Variants in BMPER observed in about 807,000 individuals in gnomAD.
The protein encoded by BMPER is BMP-binding endothelial regulator protein.
Under a neutral mutation model 87.3 loss-of-function variants are expected in BMPER, and 45 were observed. That is an observed-to-expected ratio of 0.52 (90% confidence interval 0.41 to 0.66). The LOEUF is 0.66. Ranked by LOEUF, BMPER falls within the 30% of genes least tolerant of loss-of-function variation. The pLI is 0.00. For missense variants in BMPER, 784 were observed against 867.5 expected, an observed-to-expected ratio of 0.90 and a Z score of 1.21; for synonymous variants, 326 against 316.2, an observed-to-expected ratio of 1.03 and a Z score of -0.33.
chr7:34,067,018 C>G (rs1481742557), intron 11 of BMPER, among the ~76,000 whole-genome samples: 1 of 152,198 alleles, frequency 6.6e-6, no homozygotes, highest in African/African-American at 2.4e-5. Context: ...AGAATCCCAG[C>G]TTAAAACACA....
At chr7:34,098,620 C>T (rs1405591538) in intron 13 of BMPER, among the ~76,000 whole-genome samples, 3 of 152,126 alleles carry the variant, frequency 2.0e-5, no homozygotes, top group African/African-American at 7.2e-5. Flanking sequence ...ATTGTATCCC[C>T]AGCAAATGGC....
At chr7:33,995,372 G>A (rs1390645708) in intron 6 of BMPER, among the ~76,000 whole-genome samples, 10 of 152,048 alleles carry the variant, frequency 6.6e-5, no homozygotes, top group Non-Finnish European at 2.9e-5. Context: ...AATTAGAAGT[G>A]GAGGAAGCTT....
At chr7:34,061,176 A>C (rs1788427341) in intron 10 of BMPER, among the ~76,000 whole-genome samples, 3 of 152,196 alleles carry the variant, frequency 2.0e-5, no homozygotes, top group South Asian at 4.1e-4. Flanking sequence ...ATATCGAATA[A>C]GATATTTGTT....
At chr7:33,941,787 C>T (rs924264859) in intron 3 of BMPER, among the ~76,000 whole-genome samples, 13 of 152,198 alleles carry the variant, frequency 8.5e-5, no homozygotes, top group African/African-American at 3.1e-4. Flanking sequence ...TGATATGTGG[C>T]TCAGTTCCTT....
intron 6 of BMPER, among the ~76,000 whole-genome samples, chr7:34,020,971 T>G (rs1414675485): frequency 6.6e-6 from 1 of 151,938 alleles, no homozygotes; most frequent in Non-Finnish European, 1.5e-5. Context: ...AAGGTTAGTT[T>G]AAGTGGCCTT....
At chr7:34,130,642 C>T (rs906387563) in intron 13 of BMPER, among the ~76,000 whole-genome samples, 1 of 152,184 alleles carries the variant, frequency 6.6e-6, no homozygotes, top group Admixed American at 6.5e-5. Flanking sequence ...CCTGCCAGCC[C>T]TGGGGCATGG....
At chr7:33,944,923 CAG>C (rs1433641813) in intron 3 of BMPER, among the ~76,000 whole-genome samples, 1 of 152,142 alleles carries the variant, frequency 6.6e-6, no homozygotes, top group South Asian at 2.1e-4. Context: ...TACAGCTCCT[CAG>C]AGATAACATT....
At chr7:34,042,379 A>G (rs1787855053) in intron 6 of BMPER, among the ~76,000 whole-genome samples, 1 of 152,196 alleles carries the variant, frequency 6.6e-6, no homozygotes, top group African/African-American at 2.4e-5. Context: ...ACCAGATAAG[A>G]ATACAGTCAT....
intron 6 of BMPER, among the ~76,000 whole-genome samples, chr7:33,976,868 G>A (rs551224948): frequency 1.1e-4 from 16 of 152,300 alleles, no homozygotes; most frequent in Admixed American, 9.2e-4. Context: ...GATTTCATAT[G>A]TTTTTAAACA....
At chr7:34,124,501 T>C (rs1349110368) in intron 13 of BMPER, among the ~76,000 whole-genome samples, 1 of 152,030 alleles carries the variant, frequency 6.6e-6, no homozygotes, top group Non-Finnish European at 1.5e-5. Flanking sequence ...GTGGGTCTTT[T>C]TGTATAGTTT....
chr7:34,024,388 T>A (rs1464710637), intron 6 of BMPER, among the ~76,000 whole-genome samples: 171 of 5,138 alleles, frequency 0.033, 1 homozygote, highest in Middle Eastern at 0.25. Context: ...AAAAACAATA[T>A]ATATATATAT....
intron 11 of BMPER, 130 bp from the exon 12 acceptor site, chr7:34,078,725 CTT>C: frequency 3.7e-6 from 3 of 814,364 alleles, no homozygotes; most frequent in Non-Finnish European, 5.8e-6. Flanking sequence ...AAAACGACCA[CTT>C]TTTTTTTTAA....
At chr7:34,100,793 A>G (rs1274227450) in intron 13 of BMPER, among the ~76,000 whole-genome samples, 1 of 152,184 alleles carries the variant, frequency 6.6e-6, no homozygotes, top group Non-Finnish European at 1.5e-5. Context: ...AGTCAGGGCC[A>G]TGTTCCTTTG....
intron 3 of BMPER, among the ~76,000 whole-genome samples, chr7:33,963,474 A>G (rs1427597651): frequency 6.6e-6 from 1 of 152,128 alleles, no homozygotes; most frequent in Non-Finnish European, 1.5e-5. Flanking sequence ...TATTTTATAA[A>G]AGTATCAGTC....
At chr7:34,071,064 A>G (rs1346816438) in intron 11 of BMPER, among the ~76,000 whole-genome samples, 1 of 152,114 alleles carries the variant, frequency 6.6e-6, no homozygotes, top group Non-Finnish European at 1.5e-5. Context: ...ATCTATGTCC[A>G]TGACTTTATT....
chr7:34,039,196 GGAAT>G (rs1787766478), intron 6 of BMPER, among the ~76,000 whole-genome samples: 2 of 152,246 alleles, frequency 1.3e-5, no homozygotes, highest in African/African-American at 4.8e-5. Flanking sequence ...AGCTGCTGGG[GGAAT>G]GAATAAGATA....
intron 5 of BMPER, among the ~76,000 whole-genome samples, chr7:33,971,424 C>G (rs1585691160): frequency 6.6e-6 from 1 of 152,182 alleles, no homozygotes; most frequent in African/African-American, 2.4e-5. Flanking sequence ...CTTTATTCAG[C>G]CTCTTTTTCA....
At chr7:33,931,693 T>C (rs1585648684) in intron 2 of BMPER, among the ~76,000 whole-genome samples, 1 of 152,314 alleles carries the variant, frequency 6.6e-6, no homozygotes, top group African/African-American at 2.4e-5. Flanking sequence ...TACACGCTGA[T>C]GTGGGATCAG....
In BMPER at chr7:34,076,318, A is replaced by G. The variant is rs539519583; in HGVS notation, c.1079-2539A>G. Among the ~76,000 whole-genome samples the G allele has an allele frequency of 3.3e-5, 5 of 152,336 alleles. No individual in the cohort carries two copies. In the East Asian group the frequency reaches 9.7e-4, roughly 29 times the overall value. ...GACTCTAAAAAACAAAACAAAAAAT[A>G]ACAACGAATAAAAAACAGAAAAGCA... On this transcript the variant is annotated intron_variant, in intron 11 of 14. Transcript: ENST00000649409.
Sources: gnomAD v4.1 joint callset for allele counts (sites outside exome capture counted in the v4.1 genomes callset) on GRCh38, gnomAD v4.1.1 for gene constraint, MANE v1.5 for transcripts, NCBI Gene and HGNC (gene_info 2026-07-23, HGNC 2026-07-21) for gene names.